NPHP1: variants seen among roughly 807,000 people sequenced by gnomAD.
The protein encoded by NPHP1 is nephrocystin-1.
A neutral mutation model predicts 90.4 loss-of-function variants in NPHP1; 70 were observed. That is an observed-to-expected ratio of 0.77 (90% CI 0.64 to 0.95). The LOEUF is 0.95. NPHP1 is among the 40% of genes least tolerant of loss of function. The pLI is 0.00. For missense variants in NPHP1, 764 were observed against 795.9 expected (o/e 0.96, Z 0.48); for synonymous variants, 256 against 271.7 (o/e 0.94, Z 0.57).
At chr2:110,139,141 G>A (rs1680441973) in intron 16 of NPHP1, among the ~76,000 whole-genome samples, 1 of 151,252 alleles carries the variant, frequency 6.6e-6, no homozygotes, top group South Asian at 2.1e-4. Context: ...ACGATATAAT[G>A]AAAGTAAAGG....
chr2:110,140,175 T>C (rs1276195097), intron 16 of NPHP1, among the ~76,000 whole-genome samples: 2 of 152,014 alleles, frequency 1.3e-5, no homozygotes, highest in Non-Finnish European at 2.9e-5. Context: ...TTTGGGGTCA[T>C]GCAAAGTGGA....
chr2:110,174,581 T>C (rs945142233), intron 4 of NPHP1, among the ~76,000 whole-genome samples: 19 of 152,166 alleles, frequency 1.2e-4, no homozygotes, highest in Non-Finnish European at 7.4e-5. Flanking sequence ...GCAGATTCTG[T>C]ATTTATGAAT....
Position 110,185,641 on chromosome 2 carries a change from T to A in NPHP1, c.144-5957A>T, listed in dbSNP as rs147525560. Among the ~76,000 whole-genome samples the A allele has an allele frequency of 1.2e-4, 18 of 152,284 alleles. No homozygotes were observed. The East Asian group carries it at 3.5e-3, about 29-fold the overall frequency. On this transcript the variant is annotated intron_variant, in intron 2 of 19. Coordinates refer to ENST00000445609, the MANE Select transcript of NPHP1 (RefSeq NM_001128178.3). ...CCTCCCCTTGCTGGTCACTCCGCTA[T>A]CAATGCCCCCTGACTGGGCACTGAG...
intron 16 of NPHP1, among the ~76,000 whole-genome samples, chr2:110,133,514 C>T (rs1388777231): frequency 6.6e-6 from 1 of 152,040 alleles, no homozygotes; most frequent in Admixed American, 6.5e-5. Flanking sequence ...AGATCAATAA[C>T]ACTGTAGACT....
At chr2:110,135,631 A>G (rs1038622788) in intron 16 of NPHP1, among the ~76,000 whole-genome samples, 4 of 152,024 alleles carry the variant, frequency 2.6e-5, no homozygotes, top group African/African-American at 9.7e-5. Context: ...TTCTAATACT[A>G]TTTTTAGAAA....
intron 19 of NPHP1, chr2:110,125,337 T>C: frequency 6.6e-7 from 1 of 1,515,772 alleles, no homozygotes; most frequent in Non-Finnish European, 8.8e-7. Flanking sequence ...GAGAAGTTTT[T>C]TAAAAATAAA....
chr2:110,155,639 G>C (rs1030213446), intron 11 of NPHP1, among the ~76,000 whole-genome samples: 3 of 152,150 alleles, frequency 2.0e-5, no homozygotes, highest in African/African-American at 7.2e-5. Flanking sequence ...TCATTTTGGA[G>C]CTTTAAAATT....
intron 16 of NPHP1, among the ~76,000 whole-genome samples, chr2:110,132,963 C>T (rs908946399): frequency 2.6e-5 from 4 of 151,502 alleles, no homozygotes; most frequent in African/African-American, 9.7e-5. Context: ...AAATCAAACA[C>T]AAAGAAAATC....
chr2:110,203,993 G>A (rs917994629), intron 1 of NPHP1, among the ~76,000 whole-genome samples: 2 of 152,024 alleles, frequency 1.3e-5, no homozygotes, highest in African/African-American at 2.4e-5. Context: ...TCAGCATCCT[G>A]TCACACAGAA....
rs537891009 is a variant in NPHP1 at position 110,174,595 on chromosome 2, T to C, written c.329+3828A>G. On this transcript the variant is annotated intron_variant, in intron 4 of 19. Coordinates refer to ENST00000445609, the MANE Select transcript of NPHP1 (RefSeq NM_001128178.3). ...TGCAGATTCTGTATTTATGAATTCA[T>C]TGGCTCACTAAACTTTATTTGTAAC... Among the ~76,000 whole-genome samples, 47 of 152,172 alleles carry C rather than the reference T, an allele frequency of 3.1e-4. 1 individual carries two copies. The highest frequency in any genetic ancestry group is 2.4e-4 in the Non-Finnish European group (16 of 68,008).
chr2:110,191,113 C>A (rs1028926302), intron 2 of NPHP1, among the ~76,000 whole-genome samples: 3 of 152,118 alleles, frequency 2.0e-5, no homozygotes, highest in Admixed American at 2.0e-4. Flanking sequence ...ATGATTTCTG[C>A]ATTTCCAACT....
chr2:110,179,804 T>TA, intron 2 of NPHP1, 120 bp from the exon 3 acceptor site: 2 of 548,536 alleles, frequency 3.6e-6, no homozygotes, highest in Non-Finnish European at 6.6e-6. Flanking sequence ...TGAACAATAC[T>TA]AAAAAACTGA....
intron 2 of NPHP1, among the ~76,000 whole-genome samples, chr2:110,192,003 C>T (rs1412770446): frequency 6.6e-6 from 1 of 152,144 alleles, no homozygotes; most frequent in Admixed American, 6.5e-5. Flanking sequence ...AAAACCCCAT[C>T]TGTACATCAC....
At chr2:110,148,922 T>C (rs1179249905) in intron 12 of NPHP1, among the ~76,000 whole-genome samples, 3 of 152,150 alleles carry the variant, frequency 2.0e-5, no homozygotes, top group Non-Finnish European at 4.4e-5. Flanking sequence ...ACCTTCAAGA[T>C]CTAGTTTCTC....
At chr2:110,136,093 G>A (rs1680176800) in intron 16 of NPHP1, among the ~76,000 whole-genome samples, 1 of 152,096 alleles carries the variant, frequency 6.6e-6, no homozygotes, top group African/African-American at 2.4e-5. Context: ...CTCAATAGAT[G>A]CAGAAAAGGC....
At chr2:110,149,126 A>T (rs929119193) in intron 12 of NPHP1, among the ~76,000 whole-genome samples, 12 of 152,316 alleles carry the variant, frequency 7.9e-5, no homozygotes, top group African/African-American at 2.6e-4. Context: ...GCACACAGTT[A>T]GGGTTCCATA....
At chr2:110,173,524 TATA>T (rs1683309582) in intron 4 of NPHP1, among the ~76,000 whole-genome samples, 2 of 152,162 alleles carry the variant, frequency 1.3e-5, no homozygotes, top group African/African-American at 4.8e-5. Context: ...GCCCCATACA[TATA>T]ATACCATATT....
At position 110,184,637 on chromosome 2, in the gene NPHP1, G is replaced by A. The variant is rs921880697; in HGVS notation, c.144-4953C>T. The A allele has an allele frequency of 3.5e-6, 3 of 849,790 alleles. No individual in the cohort carries two copies. The Admixed American group carries it at 5.3e-5, about 15-fold the overall frequency. 52.6% of individuals were successfully genotyped at this position (849,790 alleles called of 1,614,324 possible). A position where few individuals can be genotyped will look rare whatever the true frequency, so the allele number is the denominator to read the frequency against. On this transcript the variant is annotated intron_variant, in intron 2 of 19. Transcript: ENST00000445609. Reference sequence around the variant, plus strand: ...CAAGCTGGAACATCTCTCGCTTCCTGCACCTCTACCTGCATAAGGAGGGCT... The same window carrying A: ...CAAGCTGGAACATCTCTCGCTTCCTACACCTCTACCTGCATAAGGAGGGCT...
intron 14 of NPHP1, among the ~76,000 whole-genome samples, chr2:110,146,525 T>C (rs1681060693): frequency 6.6e-6 from 1 of 152,148 alleles, no homozygotes; most frequent in Admixed American, 6.5e-5. Context: ...AGATGGCTAG[T>C]GCAAACATCT....
Sources: gnomAD v4.1 joint callset for allele counts (sites outside exome capture counted in the v4.1 genomes callset) on GRCh38, gnomAD v4.1.1 for gene constraint, MANE v1.5 for transcripts, NCBI Gene and HGNC (gene_info 2026-07-23, HGNC 2026-07-21) for gene names.